Variants in MFSD8 observed in about 807,000 individuals in gnomAD.
MFSD8 encodes the protein major facilitator superfamily domain-containing protein 8.
Under a neutral mutation model 66.4 loss-of-function variants are expected in MFSD8, and 55 were observed. The observed-to-expected ratio is 0.83, with a 90% CI of 0.67 to 1.04. The LOEUF (loss-of-function observed/expected upper bound fraction) is 1.04. MFSD8 is among the 50% of genes least tolerant of loss of function. The probability of loss-of-function intolerance (pLI) is 0.00; values close to 1 mark genes in which losing one functional copy is unlikely to be tolerated. For synonymous variants in MFSD8, 202 were observed against 212.8 expected, an observed-to-expected ratio of 0.95 and a Z score of 0.44; for missense variants, 550 against 627.6, an observed-to-expected ratio of 0.88 and a Z score of 1.32.
chr4:127,920,506 G>A lies in MFSD8; in HGVS notation c.*124C>T. ...TCTCTGTTATTCAACATATGTTCTT[G>A]TTCTTCAAAATCTGCAATATCTGTA... On this transcript the variant is annotated 3_prime_UTR_variant, in exon 12 of 12. Coordinates refer to ENST00000641686, the MANE Select transcript of MFSD8 (RefSeq NM_001371596.2). The A allele has an allele frequency of 1.1e-6, 1 of 911,980 alleles. No homozygotes were observed. Among genetic ancestry groups the A allele is most frequent in the Admixed American group, 1.8e-5 (1 of 56,170 alleles). The allele number at this position is 911,980 out of a possible 1,614,324, so 56.5% of individuals were successfully genotyped here. A position where few individuals can be genotyped will look rare whatever the true frequency, so the allele number is the denominator to read the frequency against.
Position 127,957,520 on chromosome 4 carries a change from A to G in MFSD8, c.135T>C (p.Thr45=). The G allele has an allele frequency of 3.7e-6, 6 of 1,608,282 alleles. No individual in the cohort carries two copies. The highest frequency in any genetic ancestry group is 1.1e-5 in the South Asian group (1 of 90,836). Residue 45 remains threonine, a synonymous_variant, in exon 2 of 12, where the codon ACT becomes ACC. Transcript: ENST00000641686. ...RWRSIRILYL[T]MFLSSVGFSV... ...ACTTACCTACACTGCTGAGAAACAT[A>G]GTAAGATATAAAATCCTAATAGATC... is the stretch of plus-strand genomic sequence containing the variant.
chr4:127,949,773 A>G (rs745742569), intron 3 of MFSD8, 31 bp downstream of exon 3: 1 of 1,595,524 alleles, frequency 6.3e-7, no homozygotes, highest in African/African-American at 1.3e-5. Flanking sequence ...TACTGTAGCT[A>G]TAAGGGAAAA....
chr4:127,945,091 G>A (rs982849598), intron 3 of MFSD8, among the ~76,000 whole-genome samples: 2 of 152,124 alleles, frequency 1.3e-5, no homozygotes, highest in African/African-American at 4.8e-5. Flanking sequence ...GATCCCTTGA[G>A]CCCAGGAGTT....
chr4:127,962,768 T>C (rs1275429820), intron 1 of MFSD8, among the ~76,000 whole-genome samples: 2 of 152,176 alleles, frequency 1.3e-5, no homozygotes, highest in Non-Finnish European at 2.9e-5. Context: ...TCTACTAAAA[T>C]TCATATCAGC....
intron 3 of MFSD8, among the ~76,000 whole-genome samples, chr4:127,948,536 T>G (rs150855043): frequency 1.2e-4 from 18 of 152,354 alleles, no homozygotes; most frequent in East Asian, 9.6e-4. Context: ...TAACTCCTGC[T>G]CTACAACTTG....
intron 2 of MFSD8, among the ~76,000 whole-genome samples, chr4:127,951,316 G>A (rs754786308): frequency 3.6e-4 from 55 of 151,978 alleles, no homozygotes; most frequent in Non-Finnish European, 6.6e-4. Context: ...TGCAACCTCC[G>A]ACTCCTGGAT....
intron 3 of MFSD8, among the ~76,000 whole-genome samples, chr4:127,947,892 A>ACT (rs1344484319): frequency 4.7e-5 from 7 of 149,958 alleles, no homozygotes; most frequent in African/African-American, 1.7e-4. Flanking sequence ...ACACACACAC[A>ACT]CACACACTCT....
intron 7 of MFSD8, among the ~76,000 whole-genome samples, chr4:127,935,269 C>T (rs1738873123): frequency 6.6e-6 from 1 of 152,122 alleles, no homozygotes; most frequent in Admixed American, 6.5e-5. Flanking sequence ...AGTCTTTACT[C>T]CTTCAAGTCA....
At chr4:127,946,922 A>C (rs1741128759) in intron 3 of MFSD8, among the ~76,000 whole-genome samples, 1 of 151,406 alleles carries the variant, frequency 6.6e-6, no homozygotes, top group African/African-American at 2.5e-5. Context: ...TTACAAAAAA[A>C]ACCACAAAAA....
chr4:127,932,877 T>C, intron 8 of MFSD8, 108 bp downstream of exon 8: 1 of 887,666 alleles, frequency 1.1e-6, no homozygotes, highest in Non-Finnish European at 1.7e-6. Context: ...TAAGAAAAAT[T>C]TGCCTTACAT....
At chr4:127,935,912 C>T (rs1460831850) in intron 7 of MFSD8, among the ~76,000 whole-genome samples, 3 of 152,092 alleles carry the variant, frequency 2.0e-5, no homozygotes, top group Admixed American at 6.5e-5. Context: ...ATTTGTAGAC[C>T]AGAAGCATCA....
chr4:127,961,774 T>C (rs576368319), intron 1 of MFSD8, among the ~76,000 whole-genome samples: 2 of 147,456 alleles, frequency 1.4e-5, no homozygotes, highest in Non-Finnish European at 3.0e-5. Flanking sequence ...TGAGCCGAGA[T>C]TGCGCCACTG....
At chr4:127,931,339 C>T (rs1275809597) in intron 8 of MFSD8, among the ~76,000 whole-genome samples, 1 of 151,982 alleles carries the variant, frequency 6.6e-6, no homozygotes, top group Admixed American at 6.6e-5. Context: ...CTACAAAATG[C>T]AATTTATATT....
At chr4:127,938,867 C>T (rs1366203273) in intron 6 of MFSD8, 29 bp from the exon 7 acceptor site, 3 of 1,537,450 alleles carry the variant, frequency 2.0e-6, no homozygotes, top group African/African-American at 2.7e-5. Context: ...AATATTGTAC[C>T]TATAAAATGC....
chr4:127,923,881 G>C (rs978173301), intron 9 of MFSD8, among the ~76,000 whole-genome samples: 3 of 151,912 alleles, frequency 2.0e-5, no homozygotes, highest in Non-Finnish European at 4.4e-5. Flanking sequence ...CACCTGGCCT[G>C]GGTTTGCCAG....
chr4:127,965,166 A>G lies in MFSD8; in HGVS notation c.-33T>C. ...CTCCCTACAAGGCGTCTTGCGCCCA[A>G]CTCTCGCGACACCTGCTTTCTCCCA... On this transcript the variant is annotated 5_prime_UTR_variant, in exon 1 of 12. Transcript: ENST00000641686. 6.2e-7 allele frequency: 1 copy of G among 1,612,994 alleles called. No homozygotes were observed. Among genetic ancestry groups the G allele is most frequent in the Non-Finnish European group, 8.5e-7 (1 of 1,179,624 alleles).
At chr4:127,937,126 A>T (rs1739216717) in intron 7 of MFSD8, among the ~76,000 whole-genome samples, 1 of 152,232 alleles carries the variant, frequency 6.6e-6, no homozygotes, top group South Asian at 2.1e-4. Flanking sequence ...CACTTGAATC[A>T]TCATGCCATC....
chr4:127,941,129 T>C (rs1434215112), intron 5 of MFSD8, among the ~76,000 whole-genome samples: 2 of 152,220 alleles, frequency 1.3e-5, no homozygotes, highest in Non-Finnish European at 2.9e-5. Context: ...TCATGTACTT[T>C]ACAATATAGT....
chr4:127,933,205 A>C (rs939053360), intron 7 of MFSD8, 112 bp from the exon 8 acceptor site: 9 of 848,356 alleles, frequency 1.1e-5, no homozygotes, highest in Non-Finnish European at 1.7e-5. Context: ...ACATTTAAAA[A>C]AATTTTTAGG....
Sources: allele counts gnomAD v4.1 joint callset (sites outside exome capture counted in the v4.1 genomes callset), GRCh38; gene constraint gnomAD v4.1.1; transcripts MANE v1.5; gene names NCBI Gene and HGNC (gene_info 2026-07-23, HGNC 2026-07-21).